Variants in CEP83 observed in about 807,000 individuals in gnomAD.
The protein encoded by CEP83 is centrosomal protein of 83 kDa.
A neutral mutation model predicts 101.9 loss-of-function variants in CEP83; 70 were observed. The ratio of observed to expected loss-of-function variants is 0.69; its 90% confidence interval spans 0.57 to 0.84. The LOEUF (loss-of-function observed/expected upper bound fraction) is 0.84, where lower values mean the gene tolerates loss of function less well. Ranked by LOEUF, CEP83 falls within the 40% of genes least tolerant of loss-of-function variation. CEP83 has a pLI of 0.00. For missense variants in CEP83, 715 were observed against 787.2 expected (o/e 0.91, Z 1.10); for synonymous variants, 264 against 267.9 (o/e 0.99, Z 0.14).
At chr12:94,338,531 T>C (rs974441065) in intron 11 of CEP83, among the ~76,000 whole-genome samples, 1 of 152,150 alleles carries the variant, frequency 6.6e-6, no homozygotes, top group African/African-American at 2.4e-5. Context: ...TTCCAGGTTA[T>C]ATGCCATGAG....
chr12:94,331,289 G>GGAAAAAAAAAAA (rs2059192300), intron 14 of CEP83, among the ~76,000 whole-genome samples: 1 of 43,818 alleles, frequency 2.3e-5, no homozygotes, highest in African/African-American at 1.3e-4. Flanking sequence ...CAGACTCTCA[G>GGAAAAAAAAAAA]AAAAAAAAAA....
chr12:94,424,625 G>A (rs920836933), intron 2 of CEP83: 47 of 1,613,544 alleles, frequency 2.9e-5, no homozygotes, highest in Non-Finnish European at 3.7e-5. Flanking sequence ...CTTCAGTGCT[G>A]TTACAGCTTT....
intron 6 of CEP83, among the ~76,000 whole-genome samples, chr12:94,390,821 G>A (rs1295090363): frequency 2.0e-5 from 3 of 152,160 alleles, no homozygotes; most frequent in Non-Finnish European, 4.4e-5. Flanking sequence ...CGAGAACTTC[G>A]TGATGCATGC....
intron 6 of CEP83, among the ~76,000 whole-genome samples, chr12:94,383,821 T>A (rs938391270): frequency 6.6e-6 from 1 of 152,136 alleles, no homozygotes; most frequent in African/African-American, 2.4e-5. Flanking sequence ...TAACTTATCA[T>A]GGTCTACTGA....
chr12:94,327,147 C>T (rs1412971726), intron 14 of CEP83, among the ~76,000 whole-genome samples: 1 of 152,140 alleles, frequency 6.6e-6, no homozygotes, highest in African/African-American at 2.4e-5. Context: ...TGGTCCAACA[C>T]AATCACAGGA....
At chr12:94,439,608 A>T (rs1487974011) in intron 1 of CEP83, among the ~76,000 whole-genome samples, 1 of 152,110 alleles carries the variant, frequency 6.6e-6, no homozygotes, top group Non-Finnish European at 1.5e-5. Context: ...ATTCTATCAG[A>T]CATTCAAAGA....
intron 6 of CEP83, among the ~76,000 whole-genome samples, chr12:94,393,824 C>G (rs1484021353): frequency 6.6e-6 from 1 of 152,164 alleles, no homozygotes; most frequent in Non-Finnish European, 1.5e-5. Flanking sequence ...TTCCTATACA[C>G]CATTAACGGA....
Position 94,412,481 on chromosome 12 carries a change from T to C in CEP83, c.10A>G (p.Ser4Gly). The stretch of plus-strand genomic sequence containing the variant: ...AAAGTGTCCATATCGGTAAATGTGC[T>C]GACAACCATGTAAAAATAAGTTTTG... MVV[S>G]TFTDMDTFPN... The change falls in exon 3 of 17, where the codon AGC becomes GGC. Residue 4 changes from serine to glycine, a missense_variant. Transcript: ENST00000397809. The C allele has an allele frequency of 1.9e-6, 3 of 1,611,336 alleles. No individual in the cohort carries two copies. The highest frequency in any genetic ancestry group is 2.5e-6 in the Non-Finnish European group (3 of 1,179,108).
intron 2 of CEP83, 111 bp from the exon 3 acceptor site, chr12:94,412,702 T>C: frequency 2.8e-6 from 1 of 359,622 alleles, no homozygotes; most frequent in Non-Finnish European, 4.9e-6. Context: ...TCTTTTTTTT[T>C]TTTTTTTGAG....
At chr12:94,406,344 AACAAAAAC>A (rs1193927470) in intron 4 of CEP83, among the ~76,000 whole-genome samples, 4 of 150,280 alleles carry the variant, frequency 2.7e-5, no homozygotes, top group East Asian at 4.1e-4. Flanking sequence ...AACAAAACAA[AACAAAAAC>A]AACAACAACA....
Position 94,424,749 on chromosome 12 carries a change from T to C in CEP83, c.-102+10526A>G. The C allele has an allele frequency of 3.7e-6, 6 of 1,612,024 alleles. No homozygotes were observed. In the South Asian group the frequency reaches 5.5e-5, roughly 15 times the overall value. On this transcript the variant is annotated intron_variant, in intron 2 of 16. Coordinates refer to ENST00000397809, the MANE Select transcript of CEP83 (RefSeq NM_016122.3). ...ATCTTGCCATATGGCTGACACAGCT[T>C]GACAAGATCTTGGTCAGTAGTGCCT...
At chr12:94,292,561 CCA>C in the CEP83 span, among the ~76,000 whole-genome samples, 1 of 152,152 alleles carries the variant, frequency 6.6e-6, no homozygotes, top group African/African-American at 2.4e-5. Context: ...ATGCTTGGAA[CCA>C]CAAGTATTTC....
intron 6 of CEP83, among the ~76,000 whole-genome samples, chr12:94,379,792 G>C (rs1163414957): frequency 1.3e-5 from 2 of 152,022 alleles, no homozygotes; most frequent in African/African-American, 2.4e-5. Context: ...CTGGAGACCA[G>C]GGGCAAGCAA....
At chr12:94,297,795 G>A in the CEP83 span, among the ~76,000 whole-genome samples, 1 of 152,188 alleles carries the variant, frequency 6.6e-6, no homozygotes, top group Non-Finnish European at 1.5e-5. Context: ...AAATGAAGGG[G>A]ATGGGAAGGG....
chr12:94,439,487 T>A (rs779090553), intron 1 of CEP83, among the ~76,000 whole-genome samples: 1 of 140,422 alleles, frequency 7.1e-6, no homozygotes, highest in African/African-American at 2.6e-5. Flanking sequence ...TAGGAAGAAA[T>A]AGAAACAAAC....
intron 2 of CEP83, among the ~76,000 whole-genome samples, chr12:94,432,221 AT>A (rs879496382): frequency 1.8e-3 from 258 of 142,344 alleles, no homozygotes; most frequent in South Asian, 1.8e-3. Flanking sequence ...CGCCCAGCTA[AT>A]TTTTTTTTTT....
downstream of CEP83, chr12:94,303,711 T>TAA: frequency 1.9e-5 from 22 of 1,169,768 alleles, no homozygotes; most frequent in Non-Finnish European, 2.3e-5. Context: ...TTTTTTTTTT[T>TAA]TACTCTTTTG....
chr12:94,298,795 G>A, the CEP83 span: 1 of 1,610,264 alleles, frequency 6.2e-7, no homozygotes, highest in Non-Finnish European at 8.5e-7. Flanking sequence ...AAAACAAACA[G>A]GTGGGAATGT....
At chr12:94,365,875 A>C (rs1255237207) in intron 11 of CEP83, among the ~76,000 whole-genome samples, 5 of 152,208 alleles carry the variant, frequency 3.3e-5, no homozygotes, top group Admixed American at 1.3e-4. Flanking sequence ...TGCAGCCATA[A>C]AAAAGAATGA....
Sources: gnomAD v4.1 joint callset for allele counts (sites outside exome capture counted in the v4.1 genomes callset) on GRCh38, gnomAD v4.1.1 for gene constraint, MANE v1.5 for transcripts, NCBI Gene and HGNC (gene_info 2026-07-23, HGNC 2026-07-21) for gene names.